Variants in CNTNAP2 observed in about 807,000 individuals in gnomAD.
CNTNAP2 encodes contactin associated protein 2, also known as contactin-associated protein-like 2.
In CNTNAP2, 98 loss-of-function variants were observed where a neutral mutation model predicts 155.2. That is an observed-to-expected ratio of 0.63 (90% CI 0.54 to 0.75). The LOEUF (loss-of-function observed/expected upper bound fraction) is 0.75, where lower values mean the gene tolerates loss of function less well. Among genes scored for constraint, CNTNAP2 ranks in the 30% least tolerant of loss-of-function variants. CNTNAP2 has a pLI of 0.00. For synonymous variants in CNTNAP2, 651 were observed against 631.2 expected, an observed-to-expected ratio of 1.03 and a Z score of -0.47; for missense variants, 1,727 against 1,688.1, an observed-to-expected ratio of 1.02 and a Z score of -0.40.
chr7:148,166,647 C>A (rs1805667566), intron 17 of CNTNAP2, among the ~76,000 whole-genome samples: 1 of 152,100 alleles, frequency 6.6e-6, no homozygotes, highest in African/African-American at 2.4e-5. Flanking sequence ...GCAATACTTG[C>A]AAAGCATTTC....
intron 1 of CNTNAP2, among the ~76,000 whole-genome samples, chr7:146,189,008 T>C (rs181007787): frequency 1.3e-5 from 2 of 152,242 alleles, no homozygotes; most frequent in African/African-American, 4.8e-5. Context: ...CTAGTAATGA[T>C]GTGTTATAGT....
chr7:147,281,541 C>T (rs1391989345), intron 8 of CNTNAP2, among the ~76,000 whole-genome samples: 1 of 151,520 alleles, frequency 6.6e-6, no homozygotes, highest in African/African-American at 2.4e-5. Context: ...AACTACAATC[C>T]TCATGAATAT....
chr7:147,993,269 A>T (rs1393380782), intron 15 of CNTNAP2, among the ~76,000 whole-genome samples: 2 of 152,254 alleles, frequency 1.3e-5, no homozygotes, highest in Non-Finnish European at 2.9e-5. Flanking sequence ...TTGTCAAAAG[A>T]GAAAATGACC....
At chr7:147,269,394 C>G (rs1804689189) in intron 8 of CNTNAP2, among the ~76,000 whole-genome samples, 1 of 152,142 alleles carries the variant, frequency 6.6e-6, no homozygotes, top group African/African-American at 2.4e-5. Flanking sequence ...CTCAACATAA[C>G]CATGTTGGAT....
chr7:146,193,909 A>G (rs1798742248), intron 1 of CNTNAP2, among the ~76,000 whole-genome samples: 1 of 152,224 alleles, frequency 6.6e-6, no homozygotes, highest in Admixed American at 6.5e-5. Context: ...TCTCAAGTTC[A>G]AAGTTTCACA....
rs995506019 is a variant in CNTNAP2, at chr7:148,419,193, A to G, written c.*3577A>G. The stretch of plus-strand genomic sequence containing the variant: ...CGTTTATGTCTCATGCCTCCAAACA[A>G]CACTGAATTTGAAACCCCCCATTTT... On this transcript the variant is annotated 3_prime_UTR_variant, in exon 24 of 24. Transcript: ENST00000361727. The G allele has an allele frequency of 1.3e-5, 2 of 152,194 alleles. No individual in the cohort carries two copies. The highest frequency in any genetic ancestry group is 2.9e-5 in the Non-Finnish European group (2 of 68,040). 9.4% of individuals were successfully genotyped at this position (152,194 alleles called of 1,614,324 possible).
At chr7:146,920,821 T>C (rs1367698359) in intron 3 of CNTNAP2, among the ~76,000 whole-genome samples, 2 of 152,166 alleles carry the variant, frequency 1.3e-5, no homozygotes, top group South Asian at 2.1e-4. Context: ...AGCCTGAAAA[T>C]AGTTTCCTTT....
At chr7:148,295,026 A>T (rs949567337) in intron 21 of CNTNAP2, among the ~76,000 whole-genome samples, 3 of 152,210 alleles carry the variant, frequency 2.0e-5, no homozygotes, top group African/African-American at 7.2e-5. Flanking sequence ...AGGATCGAGA[A>T]ATCACAATTT....
chr7:147,205,784 A>G (rs1803013447), intron 8 of CNTNAP2, among the ~76,000 whole-genome samples: 1 of 152,126 alleles, frequency 6.6e-6, no homozygotes, highest in African/African-American at 2.4e-5. Flanking sequence ...TTGCTTAATG[A>G]GTCAAACATA....
At chr7:146,619,498 T>C (rs1286107490) in intron 1 of CNTNAP2, among the ~76,000 whole-genome samples, 1 of 152,210 alleles carries the variant, frequency 6.6e-6, no homozygotes, top group African/African-American at 2.4e-5. Context: ...GTCTATTCAA[T>C]CATTAATTGT....
intron 1 of CNTNAP2, among the ~76,000 whole-genome samples, chr7:146,705,938 G>T (rs1290200435): frequency 6.6e-6 from 1 of 152,118 alleles, no homozygotes; most frequent in South Asian, 2.1e-4. Context: ...GGATTTCCAC[G>T]TATGCATTTT....
At chr7:147,114,324 G>A (rs1014107592) in intron 5 of CNTNAP2, among the ~76,000 whole-genome samples, 2 of 152,204 alleles carry the variant, frequency 1.3e-5, no homozygotes, top group South Asian at 2.1e-4. Context: ...TATCTATCAG[G>A]TCTACTTGAT....
intron 1 of CNTNAP2, among the ~76,000 whole-genome samples, chr7:146,722,422 G>A (rs1178093139): frequency 3.3e-5 from 5 of 152,074 alleles, no homozygotes; most frequent in South Asian, 2.1e-4. Context: ...TAGTAGTGGC[G>A]ATTATTGCTC....
intron 22 of CNTNAP2, among the ~76,000 whole-genome samples, chr7:148,404,910 T>A (rs1799663253): frequency 6.6e-6 from 1 of 152,214 alleles, no homozygotes; most frequent in Non-Finnish European, 1.5e-5. Context: ...CTCCTCTTGA[T>A]GTTCAGCCGC....
chr7:146,328,850 G>T (rs766170811), intron 1 of CNTNAP2, among the ~76,000 whole-genome samples: 17 of 152,124 alleles, frequency 1.1e-4, no homozygotes, highest in Non-Finnish European at 1.3e-4. Flanking sequence ...GATCCATGTT[G>T]TCACAAGTGG....
intron 21 of CNTNAP2, among the ~76,000 whole-genome samples, chr7:148,283,304 A>AAAGAAAGGAAGG (rs1278484699): frequency 6.7e-4 from 60 of 89,414 alleles, no homozygotes; most frequent in African/African-American, 3.4e-3. Flanking sequence ...AGAAAGAAAG[A>AAAGAAAGGAAGG]AAGGAAGGAA....
intron 3 of CNTNAP2, among the ~76,000 whole-genome samples, chr7:146,895,328 C>A (rs1478659547): frequency 6.6e-6 from 1 of 150,942 alleles, no homozygotes; most frequent in Admixed American, 6.6e-5. Context: ...TCCTTCCCTC[C>A]CTCCCTTCCT....
At chr7:146,710,953 T>C (rs1801056382) in intron 1 of CNTNAP2, among the ~76,000 whole-genome samples, 1 of 151,962 alleles carries the variant, frequency 6.6e-6, no homozygotes, top group African/African-American at 2.4e-5. Context: ...AGAGGGAAAG[T>C]TGAGGCACCT....
At chr7:147,223,420 C>T (rs1022887811) in intron 8 of CNTNAP2, among the ~76,000 whole-genome samples, 5 of 152,146 alleles carry the variant, frequency 3.3e-5, no homozygotes, top group African/African-American at 7.2e-5. Flanking sequence ...TTCAGGAAAG[C>T]TTCATGAGAT....
Sources: gnomAD v4.1 joint callset for allele counts (sites outside exome capture counted in the v4.1 genomes callset) on GRCh38, gnomAD v4.1.1 for gene constraint, MANE v1.5 for transcripts, NCBI Gene and HGNC (gene_info 2026-07-23, HGNC 2026-07-21) for gene names.